SORCS2: variants seen among roughly 807,000 people sequenced by gnomAD.
SORCS2 encodes the protein sortilin related VPS10 domain containing receptor 2, also known as VPS10 domain-containing receptor SorCS2.
In SORCS2, 100 loss-of-function variants were observed where a neutral mutation model predicts 141.6. That is an observed-to-expected ratio of 0.71 (90% confidence interval 0.60 to 0.83). The LOEUF is 0.83. Ranked by LOEUF, SORCS2 falls within the 40% of genes least tolerant of loss-of-function variation. SORCS2 has a pLI of 0.00. For missense variants in SORCS2, 1,646 were observed against 1,560.2 expected (o/e 1.05, Z -0.93); for synonymous variants, 789 against 676.9 (o/e 1.17, Z -2.57).
chr4:7,476,087 A>C (rs1730274426), intron 2 of SORCS2, among the ~76,000 whole-genome samples: 1 of 152,190 alleles, frequency 6.6e-6, no homozygotes, highest in Non-Finnish European at 1.5e-5. Flanking sequence ...CTCTCTCCTG[A>C]GAGCCACAGG....
At position 7,192,681 on chromosome 4, in the gene SORCS2, G is replaced by T. The variant is rs941954703; in HGVS notation, c.35G>T (p.Gly12Val). ...AHRGPSRASKGPGPTARAPSP... is the reference protein window; with the variant it reads ...AHRGPSRASKVPGPTARAPSP... Reference sequence around the variant, plus strand: ...CGGGGGCCCTCGCGCGCCTCGAAGGGCCCCGGCCCCACCGCCCGAGCCCCG... The same window carrying T: ...CGGGGGCCCTCGCGCGCCTCGAAGGTCCCCGGCCCCACCGCCCGAGCCCCG... The change falls in exon 1 of 27, where the codon GGC becomes GTC. Residue 12 changes from glycine (G) to valine (V), a missense_variant. Transcript: ENST00000507866. The surrounding 1 kb of genome is among the most constrained non-coding windows in gnomAD (Gnocchi z 4.0). 2 of 988,396 alleles carry T rather than the reference G, an allele frequency of 2.0e-6. No individual in the cohort carries two copies. Among genetic ancestry groups the T allele is most frequent in the African/African-American group, 3.5e-5 (2 of 56,784 alleles). The allele number at this position is 988,396 out of a possible 1,614,324, so 61.2% of individuals were successfully genotyped here. A position where few individuals can be genotyped will look rare whatever the true frequency, so the allele number is the denominator to read the frequency against.
At chr4:7,371,453 C>T (rs1456464274) in intron 1 of SORCS2, among the ~76,000 whole-genome samples, 3 of 152,190 alleles carry the variant, frequency 2.0e-5, no homozygotes, top group Non-Finnish European at 4.4e-5. Context: ...TTAGGCCTCA[C>T]GCTCCGCCTT....
chr4:7,238,290 T>TC (rs1712425633), intron 1 of SORCS2, among the ~76,000 whole-genome samples: 2 of 151,518 alleles, frequency 1.3e-5, no homozygotes, highest in Admixed American at 1.3e-4. Context: ...AGAGGGAGTC[T>TC]GGGGGGGGTT....
rs77365720 is a variant in SORCS2, at chr4:7,433,530, A to T, written c.548+37175A>T. ...GGTCCATCATGTCCTTGAGACTCTC[A>T]ATGAGCACGGGCTCGTACTGGGTGA... On this transcript the variant is annotated intron_variant, in intron 2 of 26. Transcript: ENST00000507866. 3.4e-4 allele frequency: 548 copies of T among 1,608,966 alleles called. 4 individuals carry two copies. In the East Asian group the frequency reaches 0.012, roughly 35 times the overall value.
chr4:7,559,233 C>T (rs564438802), intron 3 of SORCS2, among the ~76,000 whole-genome samples: 91 of 152,252 alleles, frequency 6.0e-4, no homozygotes, highest in Admixed American at 1.0e-3. Context: ...CGCAGTGCCT[C>T]GGGCTTCCAT....
chr4:7,381,195 T>C (rs1206381385), intron 1 of SORCS2, among the ~76,000 whole-genome samples: 4 of 152,112 alleles, frequency 2.6e-5, no homozygotes, highest in South Asian at 2.1e-4. Context: ...TGATCAGATA[T>C]TGGGTTTCTT....
At chr4:7,382,517 G>A (rs963063163) in intron 1 of SORCS2, among the ~76,000 whole-genome samples, 2 of 152,156 alleles carry the variant, frequency 1.3e-5, no homozygotes, top group African/African-American at 4.8e-5. Flanking sequence ...AGCCGGGAAG[G>A]CCTTATTGAC....
intron 1 of SORCS2, among the ~76,000 whole-genome samples, chr4:7,338,354 T>TTGGA (rs142973871): frequency 0.027 from 3,742 of 138,140 alleles, 201 homozygotes; most frequent in African/African-American, 0.097. Flanking sequence ...TGGATGTCAG[T>TTGGA]TGGATGGATG....
chr4:7,424,065 A>T (rs2109199176), intron 2 of SORCS2, among the ~76,000 whole-genome samples: 1 of 152,230 alleles, frequency 6.6e-6, no homozygotes, highest in East Asian at 1.9e-4. Flanking sequence ...TACCCAGCGG[A>T]GAGTGGGATG....
intron 1 of SORCS2, among the ~76,000 whole-genome samples, chr4:7,247,614 G>A (rs1217058365): frequency 6.6e-6 from 1 of 152,240 alleles, no homozygotes; most frequent in Non-Finnish European, 1.5e-5. Context: ...TGTTAGGGTT[G>A]CTGGAGGGAC....
At chr4:7,424,975 G>A (rs1303578198) in intron 2 of SORCS2, among the ~76,000 whole-genome samples, 3 of 152,248 alleles carry the variant, frequency 2.0e-5, no homozygotes, top group African/African-American at 4.8e-5. Context: ...GGGTCAGCAG[G>A]AAGGTGGAAT....
chr4:7,493,337 A>G (rs1232156822), intron 2 of SORCS2, among the ~76,000 whole-genome samples: 5 of 152,236 alleles, frequency 3.3e-5, no homozygotes, highest in African/African-American at 7.2e-5. Flanking sequence ...GGCGAATCCC[A>G]TGTGGTCTCT....
intron 3 of SORCS2, among the ~76,000 whole-genome samples, chr4:7,605,282 A>G (rs1717988722): frequency 6.6e-6 from 1 of 152,208 alleles, no homozygotes; most frequent in Non-Finnish European, 1.5e-5. Context: ...CAGGTGTTTC[A>G]CACAGAACTC....
intron 1 of SORCS2, among the ~76,000 whole-genome samples, chr4:7,280,362 A>G (rs1211594041): frequency 6.6e-6 from 1 of 152,232 alleles, no homozygotes; most frequent in Non-Finnish European, 1.5e-5. Context: ...GGACTGGACC[A>G]AAATTGACTG....
chr4:7,192,930 G>A lies in SORCS2; in HGVS notation c.284G>A (p.Gly95Asp), dbSNP rs1269996794. 5.5e-6 allele frequency: 7 copies of A among 1,268,290 alleles called. No homozygotes were observed. The highest frequency in any genetic ancestry group is 6.9e-6 in the Non-Finnish European group (7 of 1,010,806). 78.6% of individuals were successfully genotyped at this position (1,268,290 alleles called of 1,614,324 possible). A position where few individuals can be genotyped will look rare whatever the true frequency, so the allele number is the denominator to read the frequency against. Reference protein sequence around the residue: ...QARGTEPGAPGPSPGPAPGPG... With the variant: ...QARGTEPGAPDPSPGPAPGPG... The stretch of plus-strand genomic sequence containing the variant: ...CGCGGCACGGAGCCAGGCGCCCCGG[G>A]TCCGAGTCCCGGTCCCGCTCCTGGT... The change falls in exon 1 of 27, where the codon GGT (glycine) becomes GAT (aspartate). Residue 95 changes from glycine to aspartate, a missense_variant. By Grantham distance (94) the Gly-to-Asp change is moderately conservative (BLOSUM62 -1). Transcript: ENST00000507866. The surrounding 1 kb of genome is among the most constrained non-coding windows in gnomAD (Gnocchi z 4.0).
chr4:7,199,971 G>C (rs1383432611), intron 1 of SORCS2, among the ~76,000 whole-genome samples: 9 of 152,084 alleles, frequency 5.9e-5, no homozygotes, highest in Admixed American at 5.2e-4. Context: ...GATAGAAACT[G>C]GCTTTGGGCT....
intron 2 of SORCS2, among the ~76,000 whole-genome samples, chr4:7,472,605 C>T (rs764748412): frequency 5.3e-5 from 8 of 152,098 alleles, no homozygotes; most frequent in Non-Finnish European, 1.2e-4. Flanking sequence ...TGCCCCCTGC[C>T]GAATGTTTCT....
intron 1 of SORCS2, among the ~76,000 whole-genome samples, chr4:7,379,148 G>A (rs899116316): frequency 2.0e-5 from 3 of 152,202 alleles, no homozygotes; most frequent in Admixed American, 2.0e-4. Context: ...GTTGGAGGGA[G>A]GCACATCCGA....
In SORCS2 at chr4:7,730,654, C is replaced by T. The variant is rs568618861; in HGVS notation, c.3108+942C>T. Among the ~76,000 whole-genome samples the T allele has an allele frequency of 3.3e-5, 5 of 152,314 alleles. No individual in the cohort carries two copies. In the East Asian group the frequency reaches 9.6e-4, roughly 29 times the overall value. ...CAGTTGCAAAAGACCACGTAGCGTACAATTCCATTCACATGAAATGCCCAG... is the reference window on the plus strand; with the variant it reads ...CAGTTGCAAAAGACCACGTAGCGTATAATTCCATTCACATGAAATGCCCAG... On this transcript the variant is annotated intron_variant, in intron 23 of 26. Coordinates refer to ENST00000507866, the MANE Select transcript of SORCS2 (RefSeq NM_020777.3).
Sources: gnomAD v4.1 joint callset for allele counts (sites outside exome capture counted in the v4.1 genomes callset) on GRCh38, gnomAD v4.1.1 for gene constraint, Gnocchi (gnomAD v3.1) non-coding constraint, MANE v1.5 for transcripts, NCBI Gene and HGNC (gene_info 2026-07-23, HGNC 2026-07-21) for gene names.